Variants in ZNF516 observed in about 807,000 individuals in gnomAD.
The protein encoded by ZNF516 is zinc finger protein 516.
Under a neutral mutation model 79.7 loss-of-function variants are expected in ZNF516, and 19 were observed. That is an observed-to-expected ratio of 0.24 (90% CI 0.17 to 0.35). ZNF516 has a LOEUF of 0.35. ZNF516 is among the 10% of genes least tolerant of loss of function. The probability of loss-of-function intolerance (pLI) is 1.00; values close to 1 mark genes in which losing one functional copy is unlikely to be tolerated. For synonymous variants in ZNF516, 877 were observed against 739.5 expected (o/e 1.19, Z -3.02); for missense variants, 1,678 against 1,679.5 (o/e 1.00, Z 0.02).
intron 1 of ZNF516, among the ~76,000 whole-genome samples, chr18:76,486,167 T>G (rs956116012): frequency 2.0e-5 from 3 of 152,216 alleles, no homozygotes; most frequent in African/African-American, 7.2e-5. Context: ...ACTACACCCT[T>G]AAGTATCAAC....
At chr18:76,491,887 G>A (rs1915247977) in intron 1 of ZNF516, among the ~76,000 whole-genome samples, 1 of 152,196 alleles carries the variant, frequency 6.6e-6, no homozygotes, top group African/African-American at 2.4e-5. Context: ...CCTGAGATTG[G>A]GGAGGGGCAG....
chr18:76,375,520 G>A (rs937295607), intron 4 of ZNF516, among the ~76,000 whole-genome samples: 6 of 151,856 alleles, frequency 4.0e-5, no homozygotes, highest in Middle Eastern at 3.4e-3. Flanking sequence ...GAGGATGGAC[G>A]CAGAAGGTCC....
At chr18:76,470,650 T>C (rs1328066691) in intron 1 of ZNF516, among the ~76,000 whole-genome samples, 2 of 152,208 alleles carry the variant, frequency 1.3e-5, no homozygotes, top group African/African-American at 4.8e-5. Context: ...CTACCCTAAT[T>C]CATTAAGGAC....
chr18:76,395,826 G>A (rs1468184655), intron 3 of ZNF516, among the ~76,000 whole-genome samples: 1 of 152,200 alleles, frequency 6.6e-6, no homozygotes, highest in East Asian at 1.9e-4. Flanking sequence ...GCAGCCGGCC[G>A]TGAGGGTGGG....
chr18:76,425,772 G>C (rs1477862375), intron 3 of ZNF516, among the ~76,000 whole-genome samples: 1 of 152,152 alleles, frequency 6.6e-6, no homozygotes, highest in African/African-American at 2.4e-5. Flanking sequence ...AAATGTGATG[G>C]ACCCATGCGG....
chr18:76,376,208 C>G (rs2074784536), intron 4 of ZNF516, among the ~76,000 whole-genome samples: 1 of 152,214 alleles, frequency 6.6e-6, no homozygotes, highest in Admixed American at 6.5e-5. Context: ...GCCGAGCCCC[C>G]TCACCGGAGG....
intron 2 of ZNF516, 51 bp from the exon 3 acceptor site, chr18:76,443,262 A>C: frequency 1.4e-6 from 1 of 713,770 alleles, no homozygotes; most frequent in Non-Finnish European, 2.2e-6. Context: ...AAGAGGGCAC[A>C]GGCATGGCTG....
At chr18:76,370,471 G>T in intron 6 of ZNF516, 57 bp downstream of exon 6, 1 of 1,481,150 alleles carries the variant, frequency 6.8e-7, no homozygotes. Flanking sequence ...GCATCATGGT[G>T]CACCTTTCCC....
At chr18:76,420,505 T>C (rs925517851) in intron 3 of ZNF516, among the ~76,000 whole-genome samples, 1 of 152,244 alleles carries the variant, frequency 6.6e-6, no homozygotes, top group African/African-American at 2.4e-5. Context: ...ATTTTAGGTA[T>C]ATATACACTA....
chr18:76,404,205 A>G (rs1286956334), intron 3 of ZNF516, among the ~76,000 whole-genome samples: 1 of 152,264 alleles, frequency 6.6e-6, no homozygotes, highest in East Asian at 1.9e-4. Context: ...CCCACATGGT[A>G]TCGCCCTCTT....
chr18:76,462,860 TTAA>T, intron 2 of ZNF516, among the ~76,000 whole-genome samples, 165 bp downstream of exon 2: 1 of 152,212 alleles, frequency 6.6e-6, no homozygotes, highest in African/African-American at 2.4e-5. Flanking sequence ...GTGCTCTGGT[TTAA>T]TTATTTTTCT....
rs904912049 is a variant in ZNF516, at chr18:76,459,144, G to C, written c.-158+3884C>G. On this transcript the variant is annotated intron_variant, in intron 2 of 6. Transcript: ENST00000443185. This position sits in a 1 kb window ranked among gnomAD's most constrained non-coding sequence, Gnocchi z 5.0. ...TCGTGCCCATGTGCCTGGATTACCA[G>C]CTTCGCACAGAGCCAGACGCTGCAG... is the stretch of plus-strand genomic sequence containing the variant. Among the ~76,000 whole-genome samples, 1 of 152,212 alleles carries C rather than the reference G, an allele frequency of 6.6e-6. No individual in the cohort carries two copies. The highest frequency in any genetic ancestry group is 1.5e-5 in the Non-Finnish European group (1 of 68,040).
chr18:76,373,367 A>AT (rs1034588253), intron 4 of ZNF516, among the ~76,000 whole-genome samples: 2 of 151,654 alleles, frequency 1.3e-5, no homozygotes, highest in African/African-American at 2.4e-5. Flanking sequence ...AAGAAAAGAG[A>AT]TTTTTTAAGC....
rs2074552289 is a variant in ZNF516, at chr18:76,362,393, G to A, written c.*105C>T. On this transcript the variant is annotated 3_prime_UTR_variant, in exon 7 of 7. Coordinates refer to ENST00000443185, the MANE Select transcript of ZNF516 (RefSeq NM_014643.4). ...GTGTCTGCTCAGGAGTTCCCCGGCT[G>A]TTCTTCCATGGAGCGGCCAGGTCAC... is the stretch of plus-strand genomic sequence containing the variant. 3.5e-6 allele frequency: 4 copies of A among 1,150,214 alleles called. No homozygotes were observed. In the Admixed American group the frequency reaches 6.3e-5, roughly 18 times the overall value. 71.3% of individuals were successfully genotyped at this position (1,150,214 alleles called of 1,614,324 possible).
intron 3 of ZNF516, among the ~76,000 whole-genome samples, chr18:76,398,605 T>C (rs1447398418): frequency 2.6e-5 from 4 of 151,810 alleles, no homozygotes; most frequent in African/African-American, 9.7e-5. Context: ...TAACACTAGT[T>C]ATGAAGGAAT....
At chr18:76,452,714 A>G (rs888222353) in intron 2 of ZNF516, among the ~76,000 whole-genome samples, 4 of 152,224 alleles carry the variant, frequency 2.6e-5, no homozygotes, top group Non-Finnish European at 5.9e-5. Flanking sequence ...ATCACAATAT[A>G]TTCTCGAAGT....
intron 1 of ZNF516, among the ~76,000 whole-genome samples, chr18:76,463,850 A>C (rs534402281): frequency 2.6e-5 from 4 of 152,224 alleles, no homozygotes; most frequent in African/African-American, 9.6e-5. Context: ...AAGTATTCAT[A>C]ATAAACTATT....
At chr18:76,496,249 C>T (rs1289219028), upstream of ZNF516, 5 of 1,267,198 alleles carry the variant, frequency 3.9e-6, no homozygotes, top group Non-Finnish European at 3.1e-6. Flanking sequence ...CTGCGGCCTG[C>T]GGAGGGGTAA....
chr18:76,450,248 G>C (rs887710984), intron 2 of ZNF516, among the ~76,000 whole-genome samples: 2 of 149,072 alleles, frequency 1.3e-5, no homozygotes, highest in Non-Finnish European at 3.0e-5. Flanking sequence ...TTTCCTAAAA[G>C]TTAAAAAAAT....
Sources: allele counts gnomAD v4.1 joint callset (sites outside exome capture counted in the v4.1 genomes callset), GRCh38; gene constraint gnomAD v4.1.1; non-coding constraint Gnocchi (gnomAD v3.1); transcripts MANE v1.5; gene names NCBI Gene and HGNC (gene_info 2026-07-23, HGNC 2026-07-21).